GRIA3: variants seen among roughly 807,000 people sequenced by gnomAD.
GRIA3 encodes glutamate ionotropic receptor AMPA type subunit 3.
GRIA3 carries 3 observed loss-of-function variants against 63.0 expected under a neutral mutation model. The ratio of observed to expected loss-of-function variants is 0.05; its 90% confidence interval spans 0.02 to 0.12. The LOEUF (loss-of-function observed/expected upper bound fraction) is 0.12, where lower values mean the gene tolerates loss of function less well. Ranked by LOEUF, GRIA3 falls within the 10% of genes least tolerant of loss-of-function variation. The pLI is 1.00. For synonymous variants in GRIA3, 274 were observed against 257.9 expected, an observed-to-expected ratio of 1.06 and a Z score of -0.60; for missense variants, 347 against 700.9, an observed-to-expected ratio of 0.50 and a Z score of 5.70.
At chrX:123,468,091 C>G (rs1418092470) in intron 13 of GRIA3, among the ~76,000 whole-genome samples, 2 of 112,031 alleles carry the variant, frequency 1.8e-5, no homozygotes, top group East Asian at 5.6e-4. Flanking sequence ...TGAAATAAGT[C>G]AACCCTTTTC....
intron 5 of GRIA3, among the ~76,000 whole-genome samples, chrX:123,392,440 G>C (rs2045391956): frequency 9.0e-6 from 1 of 111,664 alleles, no homozygotes; most frequent in Non-Finnish European, 1.9e-5. Context: ...TGCTGTGGCT[G>C]CTTAGGACTC....
intron 10 of GRIA3, among the ~76,000 whole-genome samples, chrX:123,415,962 G>T (rs997801843): frequency 7.2e-5 from 8 of 111,762 alleles, no homozygotes; most frequent in Non-Finnish European, 1.3e-4. Flanking sequence ...AAGTATCTAT[G>T]GAGTTAGAAC....
chrX:123,226,239 A>G (rs1355104704), intron 2 of GRIA3, among the ~76,000 whole-genome samples: 1 of 111,507 alleles, frequency 9.0e-6, no homozygotes, highest in Admixed American at 9.6e-5. Flanking sequence ...ACATAACAAC[A>G]GTTCAAGAAG....
chrX:123,304,902 G>A (rs1448970111), intron 3 of GRIA3, among the ~76,000 whole-genome samples: 1 of 112,089 alleles, frequency 8.9e-6, no homozygotes, highest in Non-Finnish European at 1.9e-5. Context: ...GCCACAGGCA[G>A]TCTTGGAATT....
chrX:123,433,060 T>A (rs897682253), intron 12 of GRIA3, among the ~76,000 whole-genome samples: 1 of 111,975 alleles, frequency 8.9e-6, no homozygotes, highest in Admixed American at 9.5e-5. Flanking sequence ...AACTTTCTGA[T>A]TTTATGTGGC....
At chrX:123,202,301 C>A (rs897610909) in intron 2 of GRIA3, among the ~76,000 whole-genome samples, 1 of 112,031 alleles carries the variant, frequency 8.9e-6, no homozygotes, top group Non-Finnish European at 1.9e-5. Context: ...ATCTGACAAC[C>A]TTTTCAACTT....
At chrX:123,266,860 C>A (rs1473235465) in intron 3 of GRIA3, among the ~76,000 whole-genome samples, 2 of 110,089 alleles carry the variant, frequency 1.8e-5, no homozygotes, top group South Asian at 7.9e-4. Flanking sequence ...TAGCACTCAG[C>A]CCCCTCACTC....
intron 3 of GRIA3, among the ~76,000 whole-genome samples, chrX:123,310,162 TA>T (rs1445935794): frequency 4.4e-5 from 5 of 112,653 alleles, no homozygotes; most frequent in African/African-American, 1.6e-4. Context: ...TTTATTCAAA[TA>T]AATTCCTAGC....
At chrX:123,298,724 T>C (rs2044701633) in intron 3 of GRIA3, among the ~76,000 whole-genome samples, 1 of 111,793 alleles carries the variant, frequency 8.9e-6, no homozygotes, top group African/African-American at 3.3e-5. Context: ...ATGCAGAAGC[T>C]CTTTAGTTTA....
intron 3 of GRIA3, among the ~76,000 whole-genome samples, chrX:123,278,825 T>C (rs1283402612): frequency 8.9e-6 from 1 of 112,263 alleles, no homozygotes; most frequent in African/African-American, 3.2e-5. Context: ...TTGGTTGTTA[T>C]GGCTTTGTAG....
chrX:123,314,971 A>C, intron 3 of GRIA3, among the ~76,000 whole-genome samples: 1 of 112,078 alleles, frequency 8.9e-6, no homozygotes, highest in Non-Finnish European at 1.9e-5. Flanking sequence ...ATCCTTCATG[A>C]AGGAGGTCAC....
At chrX:123,370,636 T>G (rs948059261) in intron 5 of GRIA3, among the ~76,000 whole-genome samples, 3 of 111,775 alleles carry the variant, frequency 2.7e-5, no homozygotes, top group African/African-American at 9.8e-5. Flanking sequence ...CACCTGAATC[T>G]CTGCAGGTAA....
At chrX:123,471,762 G>A (rs920229153) in intron 13 of GRIA3, among the ~76,000 whole-genome samples, 2 of 107,059 alleles carry the variant, frequency 1.9e-5, no homozygotes, top group Non-Finnish European at 3.9e-5. Context: ...TGGGAGTTGG[G>A]GTTGGTGGAA....
intron 3 of GRIA3, among the ~76,000 whole-genome samples, chrX:123,280,256 T>C (rs1043775924): frequency 2.4e-4 from 27 of 112,136 alleles, no homozygotes; most frequent in African/African-American, 4.5e-4. Flanking sequence ...GTTTTAGACA[T>C]GGAAACCAAA....
At chrX:123,474,346 CT>C (rs2045877304) in intron 13 of GRIA3, among the ~76,000 whole-genome samples, 1 of 112,121 alleles carries the variant, frequency 8.9e-6, no homozygotes, top group African/African-American at 3.2e-5. Flanking sequence ...TTAAGCAGTT[CT>C]TTTGAAATAC....
intron 12 of GRIA3, among the ~76,000 whole-genome samples, chrX:123,446,012 A>G (rs1197742705): frequency 8.9e-6 from 1 of 112,018 alleles, no homozygotes; most frequent in Non-Finnish European, 1.9e-5. Context: ...AGTGTTGGAA[A>G]ACTTACTTGC....
chrX:123,219,015 T>A (rs993676139), intron 2 of GRIA3, among the ~76,000 whole-genome samples: 1 of 111,822 alleles, frequency 8.9e-6, no homozygotes, highest in Non-Finnish European at 1.9e-5. Flanking sequence ...CTGGAGGAGA[T>A]GGCACTTGTG....
chrX:123,354,637 C>A (rs1292751352), intron 4 of GRIA3, among the ~76,000 whole-genome samples: 1 of 111,574 alleles, frequency 9.0e-6, no homozygotes, highest in Non-Finnish European at 1.9e-5. Context: ...AGCTTCATCA[C>A]TTTTGCCATC....
At chrX:123,445,368 C>T (rs1270171693) in intron 12 of GRIA3, among the ~76,000 whole-genome samples, 3 of 111,646 alleles carry the variant, frequency 2.7e-5, no homozygotes, top group Non-Finnish European at 5.6e-5. Context: ...AATATTTTTT[C>T]ACTCTTTTCT....
Sources: gnomAD v4.1 joint callset for allele counts (sites outside exome capture counted in the v4.1 genomes callset) on GRCh38, gnomAD v4.1.1 for gene constraint, MANE v1.5 for transcripts, NCBI Gene and HGNC (gene_info 2026-07-23, HGNC 2026-07-21) for gene names.